LCORL: variants seen among roughly 807,000 people sequenced by gnomAD.
LCORL encodes ligand dependent nuclear receptor corepressor like, also known as ligand-dependent nuclear receptor corepressor-like protein.
In LCORL, 41 loss-of-function variants were observed where a neutral mutation model predicts 141.8. That is an observed-to-expected ratio of 0.29 (90% CI 0.23 to 0.38). The LOEUF is 0.38. LCORL is among the 10% of genes least tolerant of loss of function. LCORL has a pLI of 1.00. For missense variants in LCORL, 1,759 were observed against 2,035.0 expected, an observed-to-expected ratio of 0.86 and a Z score of 2.61; for synonymous variants, 618 against 694.1, an observed-to-expected ratio of 0.89 and a Z score of 1.72.
At chr4:17,876,591 T>G in exon 7 of LCORL, 1 of 1,230,796 alleles carries the variant, frequency 8.1e-7, no homozygotes, top group Middle Eastern at 3.1e-4. Flanking sequence ...TTCGGATACT[T>G]TTTTGGCTTT....
At chr4:17,991,629 A>C (rs545551566) in intron 1 of LCORL, among the ~76,000 whole-genome samples, 1 of 152,328 alleles carries the variant, frequency 6.6e-6, no homozygotes, top group Non-Finnish European at 1.5e-5. Context: ...CAAACCCAAA[A>C]CCACAAATTT....
chr4:17,853,460 G>C (rs1409315594), intron 7 of LCORL, among the ~76,000 whole-genome samples: 3 of 152,052 alleles, frequency 2.0e-5, no homozygotes, highest in Non-Finnish European at 4.4e-5. Flanking sequence ...ATAATGTTCG[G>C]GCATAGACTG....
chr4:17,897,691 G>A (rs942487191), intron 5 of LCORL, among the ~76,000 whole-genome samples: 32 of 152,072 alleles, frequency 2.1e-4, no homozygotes, highest in Non-Finnish European at 2.8e-4. Context: ...CACCGAAATT[G>A]TTCTTCTACT....
chr4:18,007,620 A>C (rs1379397652), intron 1 of LCORL, among the ~76,000 whole-genome samples: 1 of 152,176 alleles, frequency 6.6e-6, no homozygotes, highest in African/African-American at 2.4e-5. Context: ...ATAAATAATT[A>C]CTGAAAAAAA....
chr4:18,010,431 T>C (rs927168417), intron 1 of LCORL, among the ~76,000 whole-genome samples: 4 of 152,070 alleles, frequency 2.6e-5, no homozygotes, highest in African/African-American at 2.4e-5. Flanking sequence ...TATGTATGTA[T>C]GTATATATGT....
At chr4:17,882,892 C>T (rs1727764684) in intron 6 of LCORL, 8 of 965,576 alleles carry the variant, frequency 8.3e-6, no homozygotes, top group African/African-American at 5.3e-5. Flanking sequence ...TCTTTTCTAA[C>T]CTTACACATT....
At chr4:17,916,370 T>C (rs1468570813) in intron 4 of LCORL, among the ~76,000 whole-genome samples, 1 of 152,190 alleles carries the variant, frequency 6.6e-6, no homozygotes, top group Non-Finnish European at 1.5e-5. Flanking sequence ...ACTGGTGTTT[T>C]GGTAATAATG....
chr4:17,992,964 T>G (rs1340676974), intron 1 of LCORL, among the ~76,000 whole-genome samples: 1 of 152,166 alleles, frequency 6.6e-6, no homozygotes, highest in East Asian at 1.9e-4. Flanking sequence ...AAGATGTCAT[T>G]TGATGACATT....
chr4:17,961,255 CAT>C (rs1312408158), intron 4 of LCORL, among the ~76,000 whole-genome samples: 1 of 151,974 alleles, frequency 6.6e-6, no homozygotes, highest in African/African-American at 2.4e-5. Context: ...AAGAACAAAA[CAT>C]GAAAGGTCCT....
At chr4:17,949,916 A>T (rs1224843956) in intron 4 of LCORL, among the ~76,000 whole-genome samples, 1 of 152,140 alleles carries the variant, frequency 6.6e-6, no homozygotes, top group East Asian at 1.9e-4. Context: ...AGCACTCCTC[A>T]CTGAATGTGA....
intron 1 of LCORL, among the ~76,000 whole-genome samples, chr4:18,008,191 T>C (rs1402463951): frequency 1.3e-5 from 2 of 152,188 alleles, no homozygotes; most frequent in Non-Finnish European, 2.9e-5. Context: ...TGCAAGTCTG[T>C]GCCATGGAAA....
At chr4:17,878,253 A>G in intron 6 of LCORL, 40 bp from the exon 7 acceptor site, 1 of 1,199,144 alleles carries the variant, frequency 8.3e-7, no homozygotes, top group Non-Finnish European at 1.0e-6. Flanking sequence ...TTGCAGCAAA[A>G]ATACCACTAT....
At chr4:17,914,185 T>C (rs575804010) in intron 4 of LCORL, among the ~76,000 whole-genome samples, 2 of 152,376 alleles carry the variant, frequency 1.3e-5, no homozygotes, top group Admixed American at 6.5e-5. Flanking sequence ...TGATTATCTT[T>C]AGAAATCTTT....
chr4:17,993,956 T>C (rs1362894074), intron 1 of LCORL, among the ~76,000 whole-genome samples: 1 of 152,178 alleles, frequency 6.6e-6, no homozygotes, highest in African/African-American at 2.4e-5. Context: ...AGTTAAAAAG[T>C]TCTGGCTTGA....
chr4:17,910,688 C>T (rs1732383299), intron 4 of LCORL, among the ~76,000 whole-genome samples: 1 of 152,110 alleles, frequency 6.6e-6, no homozygotes, highest in South Asian at 2.1e-4. Context: ...GGAGAGGCAA[C>T]AAACCCACTC....
chr4:17,886,850 A>T (rs1397002454), intron 5 of LCORL, among the ~76,000 whole-genome samples: 1 of 152,098 alleles, frequency 6.6e-6, no homozygotes, highest in Non-Finnish European at 1.5e-5. Flanking sequence ...ACATAAATAA[A>T]AACTCAATGA....
intron 2 of LCORL, among the ~76,000 whole-genome samples, chr4:17,967,469 G>C (rs1715133842): frequency 6.6e-6 from 1 of 152,116 alleles, no homozygotes; most frequent in Non-Finnish European, 1.5e-5. Context: ...ACAGGGACCT[G>C]AAGGCAGAGG....
chr4:17,931,878 C>T (rs1163228672), intron 4 of LCORL, among the ~76,000 whole-genome samples: 1 of 152,072 alleles, frequency 6.6e-6, no homozygotes, highest in African/African-American at 2.4e-5. Context: ...CTTCACATAT[C>T]TTGGACTAAA....
At chr4:17,911,184 G>A (rs1032962030) in intron 4 of LCORL, among the ~76,000 whole-genome samples, 1 of 152,012 alleles carries the variant, frequency 6.6e-6, no homozygotes, top group African/African-American at 2.4e-5. Flanking sequence ...TCTGTACTTG[G>A]CATATTAATA....
Sources: gnomAD v4.1 joint callset for allele counts (sites outside exome capture counted in the v4.1 genomes callset) on GRCh38, gnomAD v4.1.1 for gene constraint, MANE v1.5 for transcripts, NCBI Gene and HGNC (gene_info 2026-07-23, HGNC 2026-07-21) for gene names.